Variants in SNAP91 observed in about 807,000 individuals in gnomAD.
SNAP91 encodes clathrin coat assembly protein AP180.
In SNAP91, 27 loss-of-function variants were observed where a neutral mutation model predicts 100.3. The ratio of observed to expected loss-of-function variants is 0.27; its 90% CI spans 0.20 to 0.37. The LOEUF is 0.37. Among genes scored for constraint, SNAP91 ranks in the 10% least tolerant of loss-of-function variants. SNAP91 has a pLI of 1.00. For synonymous variants in SNAP91, 404 were observed against 398.6 expected (o/e 1.01, Z -0.16); for missense variants, 986 against 1,123.7 (o/e 0.88, Z 1.75).
Position 83,591,223 on chromosome 6 carries a change from C to T in SNAP91, c.2002G>A (p.Asp668Asn), listed in dbSNP as rs2093699417. 3.1e-6 allele frequency: 5 copies of T among 1,608,074 alleles called. No individual in the cohort carries two copies. The highest frequency in any genetic ancestry group is 3.4e-6 in the Non-Finnish European group (4 of 1,175,020). The change falls in exon 22 of 30, where the codon GAC (aspartate) becomes AAC (asparagine). Residue 668 changes from aspartate to asparagine, a missense_variant. Asp to Asn is a conservative substitution (Grantham distance 23, BLOSUM62 1). Transcript: ENST00000369694. Reference sequence around the variant, plus strand: ...TTAATTTAATTACCAGCTAGTAGGTCTGCCGATGCTGATGAACTAGAAGCA... The same window carrying T: ...TTAATTTAATTACCAGCTAGTAGGTTTGCCGATGCTGATGAACTAGAAGCA... ...QAASSSSASA[D>N]LLAGFGGSFM...
At chr6:83,680,335 T>C (rs894748592) in intron 2 of SNAP91, among the ~76,000 whole-genome samples, 2 of 152,162 alleles carry the variant, frequency 1.3e-5, no homozygotes, top group Non-Finnish European at 2.9e-5. Flanking sequence ...TCTTACCCTA[T>C]TCTATAACTT....
At chr6:83,708,209 TC>T (rs979129080) in intron 1 of SNAP91, 44 of 394,194 alleles carry the variant, frequency 1.1e-4, no homozygotes, top group African/African-American at 8.5e-4. Flanking sequence ...GTCCCCATTC[TC>T]CCCCGGCCCC....
At chr6:83,600,660 T>A (rs557662798) in intron 16 of SNAP91, among the ~76,000 whole-genome samples, 1 of 152,322 alleles carries the variant, frequency 6.6e-6, no homozygotes, top group South Asian at 2.1e-4. Context: ...CTGACTTAAA[T>A]CTGTTTTCAA....
intron 16 of SNAP91, among the ~76,000 whole-genome samples, chr6:83,599,726 G>T (rs1234857517): frequency 6.6e-6 from 1 of 152,080 alleles, no homozygotes; most frequent in Non-Finnish European, 1.5e-5. Context: ...TTAAATTTTT[G>T]GTTTCAAAGG....
intron 2 of SNAP91, among the ~76,000 whole-genome samples, chr6:83,699,893 CT>C (rs2099269842): frequency 6.6e-6 from 1 of 152,100 alleles, no homozygotes; most frequent in Non-Finnish European, 1.5e-5. Flanking sequence ...AACTGTCATT[CT>C]AGAATCTTAT....
At chr6:83,582,474 A>G in intron 22 of SNAP91, 118 bp from the exon 23 acceptor site, 3 of 1,059,512 alleles carry the variant, frequency 2.8e-6, no homozygotes, top group Non-Finnish European at 4.0e-6. Context: ...GTTGATTAGC[A>G]GTCAGTGAAA....
intron 16 of SNAP91, among the ~76,000 whole-genome samples, chr6:83,596,772 T>TA (rs5877856): frequency 2.0e-5 from 3 of 151,700 alleles, no homozygotes; most frequent in East Asian, 1.9e-4. Flanking sequence ...ATTTTTTTTT[T>TA]AAAAAGTCTG....
intron 2 of SNAP91, among the ~76,000 whole-genome samples, chr6:83,703,486 C>T (rs1002796798): frequency 2.0e-5 from 3 of 152,020 alleles, no homozygotes; most frequent in Non-Finnish European, 4.4e-5. Flanking sequence ...TTTAAATTTT[C>T]GTTCTATTTT....
At chr6:83,618,902 G>T (rs1562371056) in intron 9 of SNAP91, among the ~76,000 whole-genome samples, 1 of 151,826 alleles carries the variant, frequency 6.6e-6, no homozygotes, top group Non-Finnish European at 1.5e-5. Context: ...CATGGTCTAA[G>T]AAAAATGCTA....
At chr6:83,566,113 A>C (rs1225777953) in intron 26 of SNAP91, among the ~76,000 whole-genome samples, 2 of 152,218 alleles carry the variant, frequency 1.3e-5, no homozygotes, top group East Asian at 1.9e-4. Context: ...ATTCAGCCAT[A>C]AAAATGGAGT....
intron 8 of SNAP91, among the ~76,000 whole-genome samples, chr6:83,635,409 T>C (rs2097394352): frequency 6.6e-6 from 1 of 152,226 alleles, no homozygotes; most frequent in Non-Finnish European, 1.5e-5. Flanking sequence ...TCTTGTTGAA[T>C]TGAACCATTT....
In SNAP91 at chr6:83,672,473, T is replaced by C. The variant is rs75411699; in HGVS notation, c.131-6892A>G. The stretch of plus-strand genomic sequence containing the variant: ...ATGTGATGAACACTGTCATTTGTGG[T>C]AATTATCACCCTATATGACTCTACT... On this transcript the variant is annotated intron_variant, in intron 2 of 29. Transcript: ENST00000369694. 6.2e-3 allele frequency among the ~76,000 whole-genome samples: 948 copies of C among 152,234 alleles called. 9 individuals carry two copies. The highest frequency in any genetic ancestry group is 0.022 in the African/African-American group (908 of 41,540).
At chr6:83,573,342 G>A (rs1389089296) in intron 26 of SNAP91, among the ~76,000 whole-genome samples, 1 of 152,132 alleles carries the variant, frequency 6.6e-6, no homozygotes, top group Non-Finnish European at 1.5e-5. Context: ...CTCATGGATA[G>A]GAATAATCAA....
At chr6:83,569,575 TC>T (rs1802890524) in intron 26 of SNAP91, among the ~76,000 whole-genome samples, 1 of 152,186 alleles carries the variant, frequency 6.6e-6, no homozygotes, top group Non-Finnish European at 1.5e-5. Context: ...CTTGTTCCCT[TC>T]TGGGTTAGTG....
chr6:83,663,890 ACT>A (rs2098617442), intron 3 of SNAP91, among the ~76,000 whole-genome samples: 1 of 151,848 alleles, frequency 6.6e-6, no homozygotes, highest in Non-Finnish European at 1.5e-5. Context: ...GGACAGCCTG[ACT>A]CTCTTGTTAG....
intron 9 of SNAP91, among the ~76,000 whole-genome samples, chr6:83,621,966 G>A (rs543284724): frequency 6.6e-6 from 1 of 151,638 alleles, no homozygotes; most frequent in African/African-American, 2.4e-5. Flanking sequence ...AAAATGATTA[G>A]TTTAAATGAA....
At chr6:83,613,941 A>G (rs891784659) in intron 11 of SNAP91, among the ~76,000 whole-genome samples, 3 of 152,244 alleles carry the variant, frequency 2.0e-5, no homozygotes, top group African/African-American at 7.2e-5. Flanking sequence ...ATTTTAGAAG[A>G]AAATGAATGA....
intron 2 of SNAP91, among the ~76,000 whole-genome samples, chr6:83,702,781 T>C (rs1435389156): frequency 6.6e-6 from 1 of 151,586 alleles, no homozygotes; most frequent in Non-Finnish European, 1.5e-5. Flanking sequence ...CTTTTGAAAA[T>C]GAGAAAGTAA....
intron 2 of SNAP91, among the ~76,000 whole-genome samples, chr6:83,666,071 G>A (rs974710271): frequency 1.3e-5 from 2 of 152,082 alleles, no homozygotes; most frequent in African/African-American, 2.4e-5. Context: ...TGTCATATGA[G>A]TGGCAGGATG....
Sources: gnomAD v4.1 joint callset for allele counts (sites outside exome capture counted in the v4.1 genomes callset) on GRCh38, gnomAD v4.1.1 for gene constraint, MANE v1.5 for transcripts, NCBI Gene and HGNC (gene_info 2026-07-23, HGNC 2026-07-21) for gene names.